SRGAP1: variants seen among roughly 807,000 people sequenced by gnomAD.
SRGAP1 encodes SLIT-ROBO Rho GTPase activating protein 1.
SRGAP1 carries 43 observed loss-of-function variants against 121.9 expected under a neutral mutation model. The observed-to-expected ratio is 0.35, with a 90% CI of 0.28 to 0.46. The LOEUF is 0.46. Ranked by LOEUF, SRGAP1 falls within the 20% of genes least tolerant of loss-of-function variation. The pLI is 1.00. For missense variants in SRGAP1, 1,102 were observed against 1,350.9 expected, an observed-to-expected ratio of 0.82 and a Z score of 2.89; for synonymous variants, 447 against 485.4, an observed-to-expected ratio of 0.92 and a Z score of 1.04.
At chr12:63,939,917 C>A (rs945056398) in intron 1 of SRGAP1, among the ~76,000 whole-genome samples, 2 of 152,066 alleles carry the variant, frequency 1.3e-5, no homozygotes, top group Admixed American at 6.6e-5. Context: ...TCACTCCTAA[C>A]CATTTTCTCT....
intron 1 of SRGAP1, among the ~76,000 whole-genome samples, chr12:63,952,916 G>C (rs2032343410): frequency 2.6e-5 from 4 of 152,078 alleles, no homozygotes. Flanking sequence ...AAAGTACTGG[G>C]ATTATAGGCA....
Position 64,063,003 on chromosome 12 carries a change from T to A in SRGAP1, c.888T>A (p.His296Gln), listed in dbSNP as rs367757661. 7 of 1,614,034 alleles carry A rather than the reference T, an allele frequency of 4.3e-6. No individual in the cohort carries two copies. Residue 296 changes from histidine to glutamine, a missense_variant, in exon 7 of 22, where the codon CAT becomes CAA. His to Gln is a conservative substitution (Grantham distance 24, BLOSUM62 0). Around this residue, in one of 3 missense-constraint regions of SRGAP1, gnomAD observed 747 missense variants for 929.4 expected, o/e 0.80. Coordinates refer to ENST00000355086, the MANE Select transcript of SRGAP1 (RefSeq NM_020762.4). The part of the protein sequence containing the change: ...SAEYNLETSR[H>Q]EGLDIIENAV... ...AGTACAACCTTGAAACCTCCAGACA[T>A]GAGGGCTTAGACATTATTGAGAATG...
intron 1 of SRGAP1, among the ~76,000 whole-genome samples, chr12:63,959,503 T>TA (rs2032572944): frequency 6.6e-6 from 1 of 152,204 alleles, no homozygotes; most frequent in Non-Finnish European, 1.5e-5. Flanking sequence ...TAAACCCATG[T>TA]CATTAGATTA....
chr12:63,876,018 A>C (rs1055094599), intron 1 of SRGAP1, among the ~76,000 whole-genome samples: 7 of 152,248 alleles, frequency 4.6e-5, no homozygotes, highest in Non-Finnish European at 1.0e-4. Flanking sequence ...ACTTAAATGT[A>C]GCAGAGGAAA....
At chr12:63,871,089 A>G (rs549733404) in intron 1 of SRGAP1, among the ~76,000 whole-genome samples, 1 of 152,296 alleles carries the variant, frequency 6.6e-6, no homozygotes, top group African/African-American at 2.4e-5. Context: ...CTGTAGGTCA[A>G]GGACCACACT....
At chr12:63,848,914 A>G (rs560876352) in intron 1 of SRGAP1, among the ~76,000 whole-genome samples, 5 of 152,356 alleles carry the variant, frequency 3.3e-5, no homozygotes, top group Non-Finnish European at 5.9e-5. Flanking sequence ...AGAATACAAT[A>G]AAGAATACAG....
At chr12:64,112,853 T>C (rs548183479) in intron 17 of SRGAP1, among the ~76,000 whole-genome samples, 1 of 151,750 alleles carries the variant, frequency 6.6e-6, no homozygotes, top group South Asian at 2.1e-4. Flanking sequence ...CTCATAGAGG[T>C]AGAGAGTAGA....
chr12:63,922,150 T>C (rs1469321705), intron 1 of SRGAP1, among the ~76,000 whole-genome samples: 1 of 152,078 alleles, frequency 6.6e-6, no homozygotes, highest in Non-Finnish European at 1.5e-5. Context: ...GGCTTATTTT[T>C]GTATTTTTAT....
At chr12:63,891,855 C>T (rs1357308316) in intron 1 of SRGAP1, among the ~76,000 whole-genome samples, 3 of 151,622 alleles carry the variant, frequency 2.0e-5, no homozygotes, top group Non-Finnish European at 4.4e-5. Context: ...GGTGTGGTGG[C>T]AGACACCTAT....
intron 1 of SRGAP1, among the ~76,000 whole-genome samples, chr12:63,846,203 AG>A (rs542426552): frequency 6.6e-6 from 1 of 152,230 alleles, no homozygotes; most frequent in Non-Finnish European, 1.5e-5. Context: ...TTATACTTAC[AG>A]GAACTTGTTT....
intron 6 of SRGAP1, among the ~76,000 whole-genome samples, chr12:64,054,811 T>A (rs1218498601): frequency 1.3e-5 from 2 of 151,850 alleles, no homozygotes; most frequent in Non-Finnish European, 2.9e-5. Flanking sequence ...TATGTATACA[T>A]GTGCCATGCT....
At chr12:63,887,360 G>C (rs186355641) in intron 1 of SRGAP1, 1 of 152,344 alleles carries the variant, frequency 6.6e-6, no homozygotes, top group East Asian at 1.9e-4. Flanking sequence ...GGGGGACAGC[G>C]GTTATTCACA....
intron 1 of SRGAP1, among the ~76,000 whole-genome samples, chr12:63,868,070 T>A (rs1196423268): frequency 1.6e-3 from 155 of 94,766 alleles, no homozygotes; most frequent in African/African-American, 6.2e-3. Context: ...TTTTTTTTTT[T>A]TTTTTTTTGT....
At chr12:63,946,737 G>T (rs548357732) in intron 1 of SRGAP1, among the ~76,000 whole-genome samples, 1 of 151,918 alleles carries the variant, frequency 6.6e-6, no homozygotes, top group Non-Finnish European at 1.5e-5. Flanking sequence ...TAGAGACGGG[G>T]TTTCTCCATG....
intron 1 of SRGAP1, among the ~76,000 whole-genome samples, chr12:63,853,250 A>ACCT (rs1899133919): frequency 6.6e-6 from 1 of 152,022 alleles, no homozygotes. Context: ...CGAACTCCTG[A>ACCT]CATCAGGTGA....
intron 4 of SRGAP1, among the ~76,000 whole-genome samples, chr12:64,025,448 G>A (rs1386063921): frequency 5.3e-5 from 8 of 152,114 alleles, no homozygotes; most frequent in Non-Finnish European, 7.4e-5. Context: ...TGGGGGTTAC[G>A]TATTTGTTTT....
intron 1 of SRGAP1, among the ~76,000 whole-genome samples, chr12:63,874,089 GAGAA>G (rs1256188307): frequency 6.6e-6 from 1 of 151,896 alleles, no homozygotes; most frequent in Non-Finnish European, 1.5e-5. Flanking sequence ...GGGAGAGACA[GAGAA>G]AGAAAGGAAA....
At chr12:64,135,061 A>C (rs1402333683) in intron 21 of SRGAP1, among the ~76,000 whole-genome samples, 3 of 152,190 alleles carry the variant, frequency 2.0e-5, no homozygotes, top group Non-Finnish European at 4.4e-5. Context: ...TTATCTCCTC[A>C]GACAAAGGTG....
intron 1 of SRGAP1, among the ~76,000 whole-genome samples, chr12:63,948,018 T>G (rs2032104415): frequency 6.6e-6 from 1 of 152,178 alleles, no homozygotes; most frequent in South Asian, 2.1e-4. Flanking sequence ...TTTTGTCAAA[T>G]GACTTTTTTT....
Sources: allele counts gnomAD v4.1 joint callset (sites outside exome capture counted in the v4.1 genomes callset), GRCh38; gene constraint gnomAD v4.1.1; regional missense constraint gnomAD v4.1.1; transcripts MANE v1.5; gene names NCBI Gene and HGNC (gene_info 2026-07-23, HGNC 2026-07-21).